The following ZBTB37 variants were observed in gnomAD, a reference collection of about 807,000 sequenced individuals.
ZBTB37 encodes the protein zinc finger and BTB domain containing 37.
In ZBTB37, 15 loss-of-function variants were observed where a neutral mutation model predicts 37.7. That is an observed-to-expected ratio of 0.40 (90% CI 0.27 to 0.61). The LOEUF is 0.61. Ranked by LOEUF, ZBTB37 falls within the 20% of genes least tolerant of loss-of-function variation. ZBTB37 has a pLI of 0.44. For synonymous variants in ZBTB37, 231 were observed against 220.6 expected, an observed-to-expected ratio of 1.05 and a Z score of -0.42; for missense variants, 514 against 641.9, an observed-to-expected ratio of 0.80 and a Z score of 2.15.
chr1:173,894,730 G>T (rs554688687), exon 4 of ZBTB37: 39 of 152,322 alleles, frequency 2.6e-4, no homozygotes, highest in Admixed American at 2.2e-3. Flanking sequence ...TTTAAGGAGA[G>T]AAGAAATACC....
chr1:173,875,586 GA>G (rs1412060562), intron 4 of ZBTB37, among the ~76,000 whole-genome samples: 2 of 151,508 alleles, frequency 1.3e-5, no homozygotes, highest in Non-Finnish European at 2.9e-5. Context: ...CTCAGCCTCC[GA>G]AAGTGCTGGG....
At chr1:173,891,711 T>C (rs1656848261) in exon 4 of ZBTB37, 1 of 152,170 alleles carries the variant, frequency 6.6e-6, no homozygotes, top group Non-Finnish European at 1.5e-5. Context: ...GAGGCCCACT[T>C]GAGGCCAGGA....
At chr1:173,886,170 A>G (rs751050865) in exon 5 of ZBTB37, 13 of 1,511,214 alleles carry the variant, frequency 8.6e-6, no homozygotes, top group Admixed American at 2.2e-5. Context: ...ATGAGCCATA[A>G]GCAGCCAGCA....
chr1:173,902,790 A>C (rs541163654), exon 4 of ZBTB37: 1 of 152,304 alleles, frequency 6.6e-6, no homozygotes, highest in Admixed American at 6.5e-5. Context: ...AGGAGAGTTA[A>C]GGAGGGAGAG....
chr1:173,871,849 A>G (rs988604715), intron 3 of ZBTB37, among the ~76,000 whole-genome samples: 6 of 152,126 alleles, frequency 3.9e-5, no homozygotes, highest in Non-Finnish European at 5.9e-5. Flanking sequence ...TTTGGTGGAA[A>G]TACCATGGGT....
chr1:173,874,611 A>C (rs1655816475), intron 4 of ZBTB37, among the ~76,000 whole-genome samples: 1 of 152,182 alleles, frequency 6.6e-6, no homozygotes, highest in Non-Finnish European at 1.5e-5. Flanking sequence ...TCGGCCTCCC[A>C]AAATGCTGGG....
chr1:173,881,232 G>A (rs1656284908), intron 4 of ZBTB37, among the ~76,000 whole-genome samples: 2 of 151,676 alleles, frequency 1.3e-5, no homozygotes, highest in Admixed American at 6.6e-5. Context: ...GTGATAGTTT[G>A]CTCAGAATGA....
At chr1:173,883,164 G>A (rs572826984) in intron 4 of ZBTB37, among the ~76,000 whole-genome samples, 2 of 152,278 alleles carry the variant, frequency 1.3e-5, no homozygotes, top group South Asian at 4.1e-4. Flanking sequence ...GGTCCTAAAA[G>A]TTACCATTGT....
chr1:173,870,589 C>T (rs1459189635), exon 3 of ZBTB37: 2 of 1,614,174 alleles, frequency 1.2e-6, no homozygotes, highest in Non-Finnish European at 1.7e-6. Context: ...TACACAGATC[C>T]TGGAGGGCAT....
chr1:173,874,126 G>A (rs1401962890), intron 4 of ZBTB37, among the ~76,000 whole-genome samples: 4 of 151,584 alleles, frequency 2.6e-5, no homozygotes, highest in Admixed American at 1.3e-4. Flanking sequence ...ATGGTGGCAC[G>A]TGCCCGTGAT....
exon 4 of ZBTB37, chr1:173,898,576 CCT>C (rs1657144209): frequency 6.6e-6 from 1 of 151,998 alleles, no homozygotes; most frequent in African/African-American, 2.4e-5. Context: ...TTTCAGATGA[CCT>C]CTTTTACTTC....
exon 4 of ZBTB37, chr1:173,898,110 T>A (rs932395284): frequency 6.6e-6 from 1 of 152,162 alleles, no homozygotes; most frequent in Non-Finnish European, 1.5e-5. Context: ...AACTTCTTTT[T>A]TTTTGGGGGG....
chr1:173,877,233 CTA>C (rs1484419829), intron 4 of ZBTB37, among the ~76,000 whole-genome samples: 2 of 151,892 alleles, frequency 1.3e-5, no homozygotes, highest in East Asian at 3.9e-4. Flanking sequence ...ATAAGACAGA[CTA>C]ACAAATACAC....
chr1:173,896,110 T>G (rs1657033500), exon 4 of ZBTB37: 1 of 152,098 alleles, frequency 6.6e-6, no homozygotes, highest in Non-Finnish European at 1.5e-5. Flanking sequence ...ACCTACAAAG[T>G]CCTGGGAAGG....
In ZBTB37 at chr1:173,874,022, G is replaced by A. The variant is rs1006580194; in HGVS notation, c.1023+456G>A. Among the ~76,000 whole-genome samples the A allele has an allele frequency of 2.0e-5, 3 of 152,086 alleles. No homozygotes were observed. In the East Asian group the frequency reaches 5.8e-4, roughly 29 times the overall value. On this transcript the variant is annotated intron_variant, in intron 4 of 4. Transcript: ENST00000427304. ...TGTAATCCCAGCACTTTGGGAGGCC[G>A]AGGCAGGTGGATCACCTGAGGTCCG...
chr1:173,902,023 A>G (rs1013943501), exon 4 of ZBTB37: 1 of 152,232 alleles, frequency 6.6e-6, no homozygotes, highest in Non-Finnish European at 1.5e-5. Flanking sequence ...AGAATCCAGG[A>G]CAAGATCCCC....
At chr1:173,897,409 A>G (rs1384582537) in exon 4 of ZBTB37, 1 of 152,242 alleles carries the variant, frequency 6.6e-6, no homozygotes, top group Non-Finnish European at 1.5e-5. Context: ...ATGTAGGTGT[A>G]AAAGTGAAAT....
chr1:173,877,373 CTTTTTT>C (rs58043559), intron 4 of ZBTB37, among the ~76,000 whole-genome samples: 1 of 87,780 alleles, frequency 1.1e-5, no homozygotes, highest in Admixed American at 1.5e-4. Flanking sequence ...GATTTTCTTT[CTTTTTT>C]TTTTTTTTTT....
At chr1:173,889,009 G>C (rs2102755225), downstream of ZBTB37, 1 of 152,092 alleles carries the variant, frequency 6.6e-6, no homozygotes, top group South Asian at 2.1e-4. Flanking sequence ...CTGTGAATAG[G>C]GTGCTTCCTG....
Sources: allele counts gnomAD v4.1 joint callset (sites outside exome capture counted in the v4.1 genomes callset), GRCh38; gene constraint gnomAD v4.1.1; transcripts MANE v1.5; gene names NCBI Gene and HGNC (gene_info 2026-07-23, HGNC 2026-07-21).